The following ACSM4 variants were observed in gnomAD, a reference collection of about 807,000 sequenced individuals.
ACSM4 encodes acyl-coenzyme A synthetase ACSM4, mitochondrial.
A neutral mutation model predicts 73.0 loss-of-function variants in ACSM4; 66 were observed. That is an observed-to-expected ratio of 0.90 (90% CI 0.74 to 1.11). ACSM4 has a LOEUF of 1.11. ACSM4 is among the 50% of genes least tolerant of loss of function. The pLI, the probability that ACSM4 is intolerant of heterozygous loss-of-function variation, is 0.00. For synonymous variants in ACSM4, 222 were observed against 254.0 expected (o/e 0.87, Z 1.20); for missense variants, 645 against 714.4 (o/e 0.90, Z 1.11).
Position 7,323,244 on chromosome 12 carries a change from G to C in ACSM4, c.1136G>C (p.Cys379Ser). ...GYGQTEVGMI[C>S]ANQKGQEIKP... ...TTGTCCTCTCAATAGGGAATGATTTGTGCCAATCAGAAAGGCCAAGAAATT... is the reference window on the plus strand; with the variant it reads ...TTGTCCTCTCAATAGGGAATGATTTCTGCCAATCAGAAAGGCCAAGAAATT... Residue 379 changes from cysteine (C) to serine (S), a missense_variant, in exon 8 of 13, where the codon TGT becomes TCT. Transcript: ENST00000399422. The C allele has an allele frequency of 6.2e-7, 1 of 1,608,556 alleles. No homozygotes were observed. The highest frequency in any genetic ancestry group is 8.5e-7 in the Non-Finnish European group (1 of 1,177,514).
At position 7,304,296 on chromosome 12, in the gene ACSM4, T is replaced by C. The variant is rs763414539; in HGVS notation, c.-36T>C. The C allele has an allele frequency of 6.3e-7, 1 of 1,593,632 alleles. No individual in the cohort carries two copies. Among genetic ancestry groups the C allele is most frequent in the South Asian group, 1.1e-5 (1 of 90,544 alleles). On this transcript the variant is annotated 5_prime_UTR_variant, in exon 1 of 13. Coordinates refer to ENST00000399422, the MANE Select transcript of ACSM4 (RefSeq NM_001080454.2). ...CTCTCCCTACAGGCTGTAGTACTTCTGTGTCCATAGCAGTAGACAAAGTCC... is the reference window on the plus strand; with the variant it reads ...CTCTCCCTACAGGCTGTAGTACTTCCGTGTCCATAGCAGTAGACAAAGTCC...
chr12:7,315,608 T>C (rs1946416241), intron 3 of ACSM4, among the ~76,000 whole-genome samples: 1 of 151,850 alleles, frequency 6.6e-6, no homozygotes, highest in African/African-American at 2.4e-5. Flanking sequence ...TGAGACTCCA[T>C]TGCAAAAAAT....
chr12:7,327,199 G>C (rs1432842463), intron 12 of ACSM4, 104 bp downstream of exon 12: 6 of 1,310,590 alleles, frequency 4.6e-6, no homozygotes, highest in Non-Finnish European at 6.1e-6. Flanking sequence ...CATTATATAG[G>C]TAGAAGACAC....
rs1327615405 is a variant in ACSM4, at chr12:7,327,002, T to C, written c.1563T>C (p.Ala521=). The C allele has an allele frequency of 1.2e-6, 2 of 1,612,154 alleles. No individual in the cohort carries two copies. Among genetic ancestry groups the C allele is most frequent in the South Asian group, 2.2e-5 (2 of 90,404 alleles). Residue 521 remains alanine, a synonymous_variant, in exon 12 of 13, where the codon GCT becomes GCC. Coordinates refer to ENST00000399422, the MANE Select transcript of ACSM4 (RefSeq NM_001080454.2). ...GEVVKAFVVL[A]APFKSYNPEK... ...TGGTGAAAGCTTTTGTTGTCTTAGC[T>C]GCACCCTTTAAGTCCTACAACCCAG...
In ACSM4 at chr12:7,323,236, A is replaced by T; in HGVS notation, c.1128A>T (p.Gly376=). 1 of 1,607,010 alleles carries T rather than the reference A, an allele frequency of 6.2e-7. No homozygotes were observed. Among genetic ancestry groups the T allele is most frequent in the Non-Finnish European group, 8.5e-7 (1 of 1,176,680 alleles). ...TACAAAGCTTGTCCTCTCAATAGGGAATGATTTGTGCCAATCAGAAAGGCC... is the reference window on the plus strand; with the variant it reads ...TACAAAGCTTGTCCTCTCAATAGGGTATGATTTGTGCCAATCAGAAAGGCC... ...LYEGYGQTEV[G]MICANQKGQE... is the part of the protein sequence containing the mutation. Residue 376 remains glycine (G), a splice_region_variant and synonymous_variant, in exon 8 of 13, where the codon GGA becomes GGT. Transcript: ENST00000399422.
chr12:7,310,535 C>T lies in ACSM4; in HGVS notation c.413-4C>T, dbSNP rs771650433. ...TTCAGTGCAGGGCCCTCTGTCCTTC[C>T]CAGGGATCATCTTCATGCCGGGAAC... On this transcript the variant is annotated splice_polypyrimidine_tract_variant and splice_region_variant and intron_variant, in intron 2 of 12. Coordinates refer to ENST00000399422, the MANE Select transcript of ACSM4 (RefSeq NM_001080454.2). 5 of 1,600,886 alleles carry T rather than the reference C, an allele frequency of 3.1e-6. No homozygotes were observed. In the East Asian group the frequency reaches 6.8e-5, roughly 22 times the overall value.
intron 6 of ACSM4, among the ~76,000 whole-genome samples, chr12:7,321,934 T>C (rs959760978): frequency 6.6e-6 from 1 of 152,130 alleles, no homozygotes; most frequent in African/African-American, 2.4e-5. Flanking sequence ...TGGTACAGAG[T>C]TTCATGAGTA....
Position 7,327,115 on chromosome 12 carries a change from G to A in ACSM4, c.1656+20G>A. 1 of 1,579,416 alleles carries A rather than the reference G, an allele frequency of 6.3e-7. No homozygotes were observed. The highest frequency in any genetic ancestry group is 8.6e-7 in the Non-Finnish European group (1 of 1,162,890). ...AGAAAGGCAAGTGCTTTGCCCAAAA[G>A]TTAAGTTTGGATGTTACCAAACTAG... is the stretch of plus-strand genomic sequence containing the variant. On this transcript the variant is annotated intron_variant, in intron 12 of 12. Transcript: ENST00000399422.
intron 3 of ACSM4, 43 bp downstream of exon 3, chr12:7,310,789 C>A: frequency 6.4e-7 from 1 of 1,555,892 alleles, no homozygotes; most frequent in Non-Finnish European, 8.8e-7. Flanking sequence ...GGCAACAACA[C>A]AAATTATAGC....
intron 11 of ACSM4, among the ~76,000 whole-genome samples, chr12:7,326,515 C>T (rs990465356): frequency 6.6e-6 from 1 of 152,152 alleles, no homozygotes; most frequent in African/African-American, 2.4e-5. Flanking sequence ...CAGCCCTTTC[C>T]TGAGATTTGA....
At chr12:7,306,175 A>G (rs1946360679) in intron 1 of ACSM4, among the ~76,000 whole-genome samples, 1 of 152,264 alleles carries the variant, frequency 6.6e-6, no homozygotes, top group African/African-American at 2.4e-5. Flanking sequence ...GACAGGAATC[A>G]GGACAGCTCT....
chr12:7,322,388 GA>G (rs780331144), intron 6 of ACSM4, 29 bp from the exon 7 acceptor site: 9 of 1,612,594 alleles, frequency 5.6e-6, no homozygotes, highest in African/African-American at 2.7e-5. Flanking sequence ...GGTTCCTCTT[GA>G]AAAGACCCAT....
At chr12:7,320,413 G>C (rs1946452217) in intron 5 of ACSM4, among the ~76,000 whole-genome samples, 1 of 152,204 alleles carries the variant, frequency 6.6e-6, no homozygotes, top group Non-Finnish European at 1.5e-5. Flanking sequence ...TAAGAGGTAA[G>C]TTGTAGCCCT....
rs1043140287 is a variant in ACSM4 at position 7,305,140 on chromosome 12, T to C, written c.201+608T>C. Among the ~76,000 whole-genome samples, 4 of 152,316 alleles carry C rather than the reference T, an allele frequency of 2.6e-5. No homozygotes were observed. In the South Asian group the frequency reaches 8.3e-4, roughly 32 times the overall value. On this transcript the variant is annotated intron_variant, in intron 1 of 12. Transcript: ENST00000399422. Reference sequence around the variant, plus strand: ...CATTGAATCAATTCTTCCTGTTAAATACAGGGGGAAAGCCTTCCTTGAAAG... The same window carrying C: ...CATTGAATCAATTCTTCCTGTTAAACACAGGGGGAAAGCCTTCCTTGAAAG...
At chr12:7,326,159 G>T (rs1371135277) in intron 11 of ACSM4, among the ~76,000 whole-genome samples, 1 of 152,154 alleles carries the variant, frequency 6.6e-6, no homozygotes, top group Non-Finnish European at 1.5e-5. Context: ...AGGCAAAAAA[G>T]ACCTCACATA....
rs151160917 is a variant in ACSM4 at position 7,323,549 on chromosome 12, T to G, written c.1297T>G (p.Ser433Ala). The G allele has an allele frequency of 4.2e-4, 685 of 1,612,972 alleles. 2 individuals carry two copies. The East Asian group carries it at 0.011, about 27-fold the overall frequency. The change falls in exon 9 of 13, where the codon TCT becomes GCT. Residue 433 changes from serine (S) to alanine (A), a missense_variant. Coordinates refer to ENST00000399422, the MANE Select transcript of ACSM4 (RefSeq NM_001080454.2). ...ACCTACACGGCCCTTCTGTTTCTTC[T>G]CTAAATATGTGGTATGAGGATAGAA... is the stretch of plus-strand genomic sequence containing the variant. ...LKPTRPFCFF[S>A]KYVDNPQKTA...
chr12:7,325,626 AAC>A (rs1946498111), intron 11 of ACSM4, among the ~76,000 whole-genome samples: 1 of 152,198 alleles, frequency 6.6e-6, no homozygotes, highest in Non-Finnish European at 1.5e-5. Context: ...CAGCCTGGAC[AAC>A]AGAGACAGAC....
At position 7,323,279 on chromosome 12, in the gene ACSM4, T is replaced by G. The variant is rs752921586; in HGVS notation, c.1171T>G (p.Ser391Ala). The G allele has an allele frequency of 1.9e-6, 3 of 1,611,412 alleles. No homozygotes were observed. The African/African-American group carries it at 4.0e-5, about 22-fold the overall frequency. Reference protein sequence around the residue: ...NQKGQEIKPGSMGKGMLPYDV... With the variant: ...NQKGQEIKPGAMGKGMLPYDV... Reference sequence around the variant, plus strand: ...GAAAGGCCAAGAAATTAAACCAGGTTCAATGGGGAAAGGAATGCTGCCCTA... The same window carrying G: ...GAAAGGCCAAGAAATTAAACCAGGTGCAATGGGGAAAGGAATGCTGCCCTA... The change falls in exon 8 of 13, where the codon TCA (serine) becomes GCA (alanine). Residue 391 changes from serine to alanine, a missense_variant. Coordinates refer to ENST00000399422, the MANE Select transcript of ACSM4 (RefSeq NM_001080454.2).
At chr12:7,304,597 T>G in intron 1 of ACSM4, 65 bp downstream of exon 1, 2 of 1,519,196 alleles carry the variant, frequency 1.3e-6, no homozygotes, top group South Asian at 1.1e-5. Flanking sequence ...TCCATTTCCT[T>G]GTTCTGTGGT....
Sources: gnomAD v4.1 joint callset for allele counts (sites outside exome capture counted in the v4.1 genomes callset) on GRCh38, gnomAD v4.1.1 for gene constraint, MANE v1.5 for transcripts, NCBI Gene and HGNC (gene_info 2026-07-23, HGNC 2026-07-21) for gene names.